The following OPA1 variants were observed in gnomAD, a reference collection of about 807,000 sequenced individuals.
OPA1 encodes dynamin-like GTPase OPA1, mitochondrial.
OPA1 carries 59 observed loss-of-function variants against 152.9 expected under a neutral mutation model. That is an observed-to-expected ratio of 0.39 (90% CI 0.31 to 0.48). OPA1 has a LOEUF of 0.48. Ranked by LOEUF, OPA1 falls within the 20% of genes least tolerant of loss-of-function variation. The pLI is 0.96. For missense variants in OPA1, 1,008 were observed against 1,216.8 expected (o/e 0.83, Z 2.55); for synonymous variants, 400 against 389.9 (o/e 1.03, Z -0.31).
chr3:193,663,579 G>T (rs1396486860), intron 26 of OPA1, among the ~76,000 whole-genome samples: 3 of 152,080 alleles, frequency 2.0e-5, no homozygotes. Context: ...CTACTGCTTA[G>T]TTAAGATGTA....
At chr3:193,654,764 A>G (rs958557741) in intron 21 of OPA1, 98 bp from the exon 22 acceptor site, 6 of 1,254,652 alleles carry the variant, frequency 4.8e-6, no homozygotes, top group Non-Finnish European at 6.8e-6. Flanking sequence ...AATTTTAAAT[A>G]TGTACAGTTT....
At chr3:193,688,611 T>C (rs1198916452) in intron 29 of OPA1, among the ~76,000 whole-genome samples, 2 of 151,626 alleles carry the variant, frequency 1.3e-5, no homozygotes, top group Non-Finnish European at 2.9e-5. Context: ...TCAAAGGTAA[T>C]ACTTAAAAAA....
chr3:193,625,578 C>T lies in OPA1; in HGVS notation c.679-514C>T, dbSNP rs186825109. On this transcript the variant is annotated intron_variant, in intron 6 of 30. Transcript: ENST00000361510. ...ATGCAAAGGCACATAGAATATATGACTTAATGTACAACCTTTATTAACTTG... is the reference window on the plus strand; with the variant it reads ...ATGCAAAGGCACATAGAATATATGATTTAATGTACAACCTTTATTAACTTG... 1.2e-4 allele frequency among the ~76,000 whole-genome samples: 19 copies of T among 152,138 alleles called. No individual in the cohort carries two copies. The East Asian group carries it at 3.5e-3, about 28-fold the overall frequency.
At chr3:193,643,939 T>G in intron 15 of OPA1, 36 bp from the exon 16 acceptor site, 1 of 1,609,426 alleles carries the variant, frequency 6.2e-7, no homozygotes, top group Non-Finnish European at 8.5e-7. Context: ...CTTTACATCT[T>G]AAAATTCCAC....
intron 21 of OPA1, among the ~76,000 whole-genome samples, chr3:193,651,225 A>T (rs1712354994): frequency 6.6e-6 from 1 of 152,200 alleles, no homozygotes; most frequent in East Asian, 1.9e-4. Context: ...CATTTTAGAA[A>T]GGTCTTTGTA....
Position 193,684,970 on chromosome 3 carries a change from A to G in OPA1, c.2984-7093A>G, listed in dbSNP as rs144417264. ...TTGTACTAGCCAAAAGGAGCCTAGTAGAAATGCTTGTGTTATAAGAGTTTA... is the reference window on the plus strand; with the variant it reads ...TTGTACTAGCCAAAAGGAGCCTAGTGGAAATGCTTGTGTTATAAGAGTTTA... On this transcript the variant is annotated intron_variant, in intron 29 of 30. Coordinates refer to ENST00000361510, the MANE Select transcript of OPA1 (RefSeq NM_130837.3). 4.4e-3 allele frequency among the ~76,000 whole-genome samples: 677 copies of G among 152,296 alleles called. 4 individuals carry two copies. The highest frequency in any genetic ancestry group is 0.016 in the African/African-American group (650 of 41,568).
chr3:193,656,384 G>A (rs1250527016), intron 22 of OPA1, among the ~76,000 whole-genome samples: 2 of 152,120 alleles, frequency 1.3e-5, no homozygotes, highest in Non-Finnish European at 2.9e-5. Context: ...CTAAAATCCA[G>A]CATTAAAAAG....
Position 193,638,390 on chromosome 3 carries a change from T to C in OPA1, c.1149+325T>C, listed in dbSNP as rs544055613. 4.6e-5 allele frequency among the ~76,000 whole-genome samples: 7 copies of C among 152,294 alleles called. No individual in the cohort carries two copies. The East Asian group carries it at 9.6e-4, about 21-fold the overall frequency. ...GAATATAGATAATTTTCTAGTTTTA[T>C]TGTGACAAAAGAGCAGAGAAATGAA... is the stretch of plus-strand genomic sequence containing the variant. On this transcript the variant is annotated intron_variant, in intron 11 of 30. Coordinates refer to ENST00000361510, the MANE Select transcript of OPA1 (RefSeq NM_130837.3).
chr3:193,596,820 G>C (rs1177915146), intron 1 of OPA1: 1 of 152,160 alleles, frequency 6.6e-6, no homozygotes, highest in East Asian at 1.9e-4. Flanking sequence ...ACAGTTGAAT[G>C]GTCTCGCTCC....
intron 15 of OPA1, 142 bp from the exon 16 acceptor site, chr3:193,643,833 A>T: frequency 1.0e-6 from 1 of 1,003,240 alleles, no homozygotes; most frequent in Non-Finnish European, 1.5e-6. Context: ...TTTATCGGCT[A>T]GGATTTCTTT....
intron 7 of OPA1, among the ~76,000 whole-genome samples, chr3:193,630,398 A>G (rs13060559): frequency 0.03 from 4,584 of 152,318 alleles, 66 homozygotes; most frequent in African/African-American, 0.035. Flanking sequence ...TTTCTAACAA[A>G]GGTTGTTATC....
chr3:193,659,415 C>G, intron 24 of OPA1, 67 bp from the exon 25 acceptor site: 3 of 1,313,094 alleles, frequency 2.3e-6, no homozygotes, highest in Middle Eastern at 2.2e-4. Context: ...AAAGCAAGAC[C>G]ATTATTAGTT....
intron 29 of OPA1, among the ~76,000 whole-genome samples, chr3:193,677,503 C>T (rs1292191826): frequency 1.3e-5 from 2 of 151,816 alleles, no homozygotes; most frequent in African/African-American, 4.8e-5. Flanking sequence ...TAATTGAAAA[C>T]CTAATCACAA....
chr3:193,610,617 A>G lies in OPA1; in HGVS notation c.33-4106A>G, dbSNP rs141886836. ...GGTTTCTGCTGCCTTTTGTTCGGCT[A>G]TGCCCTGCCTGCAGAGGTGGAGTCT... On this transcript the variant is annotated intron_variant, in intron 1 of 30. Coordinates refer to ENST00000361510, the MANE Select transcript of OPA1 (RefSeq NM_130837.3). 4.6e-3 allele frequency among the ~76,000 whole-genome samples: 698 copies of G among 152,322 alleles called. 4 individuals carry two copies. Among genetic ancestry groups the G allele is most frequent in the African/African-American group, 0.016 (665 of 41,596 alleles).
intron 29 of OPA1, among the ~76,000 whole-genome samples, chr3:193,680,545 T>G (rs1577382342): frequency 6.6e-6 from 1 of 152,246 alleles, no homozygotes; most frequent in Admixed American, 6.5e-5. Context: ...AGAAGGGGCC[T>G]TCTTATAAAT....
chr3:193,696,691 A>G lies in OPA1; in HGVS notation c.*2091A>G, dbSNP rs1722277949. The G allele has an allele frequency of 6.6e-6, 1 of 152,238 alleles. No homozygotes were observed. 9.4% of individuals were successfully genotyped at this position (152,238 alleles called of 1,614,324 possible). ...ATGATTCTAATTTAAACAAAAAGAT[A>G]CTAAATATACAGAAGTTAAATTCGA... On this transcript the variant is annotated 3_prime_UTR_variant, in exon 31 of 31. Coordinates refer to ENST00000361510, the MANE Select transcript of OPA1 (RefSeq NM_130837.3).
At chr3:193,688,194 T>C (rs1407562971) in intron 29 of OPA1, among the ~76,000 whole-genome samples, 1 of 152,160 alleles carries the variant, frequency 6.6e-6, no homozygotes, top group Non-Finnish European at 1.5e-5. Context: ...ACTTCGTTTA[T>C]CATTGATTGA....
intron 29 of OPA1, among the ~76,000 whole-genome samples, chr3:193,677,732 G>A (rs1020359092): frequency 1.3e-5 from 2 of 152,142 alleles, no homozygotes; most frequent in African/African-American, 4.8e-5. Flanking sequence ...CTCCCCCAGT[G>A]AGCACGATTC....
At chr3:193,683,644 G>C (rs549710025) in intron 29 of OPA1, among the ~76,000 whole-genome samples, 8 of 152,196 alleles carry the variant, frequency 5.3e-5, no homozygotes, top group Non-Finnish European at 1.0e-4. Context: ...CCACCACCCT[G>C]ATCAGTCAGC....
Sources: allele counts gnomAD v4.1 joint callset (sites outside exome capture counted in the v4.1 genomes callset), GRCh38; gene constraint gnomAD v4.1.1; transcripts MANE v1.5; gene names NCBI Gene and HGNC (gene_info 2026-07-23, HGNC 2026-07-21).